The following PIK3CB variants were observed in gnomAD, a reference collection of about 807,000 sequenced individuals.
PIK3CB encodes phosphatidylinositol-4,5-bisphosphate 3-kinase catalytic subunit beta, also known as phosphatidylinositol 4,5-bisphosphate 3-kinase catalytic subunit beta isoform.
Under a neutral mutation model 136.8 loss-of-function variants are expected in PIK3CB, and 39 were observed. The observed-to-expected ratio is 0.29, with a 90% CI of 0.22 to 0.37. The LOEUF is 0.37. PIK3CB is among the 10% of genes least tolerant of loss of function. The pLI is 1.00. For synonymous variants in PIK3CB, 428 were observed against 436.6 expected (o/e 0.98, Z 0.25); for missense variants, 868 against 1,275.4 (o/e 0.68, Z 4.87).
intron 19 of PIK3CB, among the ~76,000 whole-genome samples, chr3:138,680,808 C>A (rs1249962017): frequency 6.6e-6 from 1 of 152,052 alleles, no homozygotes; most frequent in Non-Finnish European, 1.5e-5. Flanking sequence ...CTGCCTCAGC[C>A]TCCCGAGTAG....
chr3:138,800,534 C>G (rs1559883558), intron 1 of PIK3CB, among the ~76,000 whole-genome samples: 1 of 149,218 alleles, frequency 6.7e-6, no homozygotes, highest in African/African-American at 2.5e-5. Flanking sequence ...CCAGGCTGGT[C>G]TCAAACTCCA....
intron 8 of PIK3CB, among the ~76,000 whole-genome samples, chr3:138,723,165 A>C (rs1249526485): frequency 6.6e-6 from 1 of 152,228 alleles, no homozygotes; most frequent in African/African-American, 2.4e-5. Flanking sequence ...GTATCACATG[A>C]AATTTTATAA....
intron 2 of PIK3CB, among the ~76,000 whole-genome samples, chr3:138,784,877 C>T (rs967288332): frequency 2.9e-4 from 44 of 151,530 alleles, no homozygotes; most frequent in African/African-American, 1.0e-3. Flanking sequence ...GGAGCGTCTC[C>T]CTGGCCACCC....
At chr3:138,655,998 C>T in intron 23 of PIK3CB, 144 bp downstream of exon 23, 1 of 789,466 alleles carries the variant, frequency 1.3e-6, no homozygotes, top group Non-Finnish European at 2.0e-6. Flanking sequence ...TTATGTACTT[C>T]CCAGATTCTT....
chr3:138,674,136 C>T (rs1559805147), intron 19 of PIK3CB, among the ~76,000 whole-genome samples: 2 of 151,320 alleles, frequency 1.3e-5, no homozygotes, highest in South Asian at 4.2e-4. Context: ...ATATGGTGCA[C>T]TGAAAAGCTC....
At chr3:138,713,437 C>T (rs918207868) in intron 9 of PIK3CB, among the ~76,000 whole-genome samples, 1 of 151,932 alleles carries the variant, frequency 6.6e-6, no homozygotes, top group Non-Finnish European at 1.5e-5. Context: ...TTTGGGAGGC[C>T]GAGGCGGGTG....
intron 19 of PIK3CB, among the ~76,000 whole-genome samples, chr3:138,672,229 C>T (rs1332742848): frequency 2.0e-5 from 3 of 151,714 alleles, no homozygotes; most frequent in Non-Finnish European, 4.4e-5. Context: ...GATGATGTGG[C>T]ATGAAAGTTT....
chr3:138,668,823 T>C (rs1454957323), intron 19 of PIK3CB, among the ~76,000 whole-genome samples: 1 of 152,154 alleles, frequency 6.6e-6, no homozygotes, highest in African/African-American at 2.4e-5. Flanking sequence ...CAACCTGCCA[T>C]CAACCACCCA....
intron 5 of PIK3CB, among the ~76,000 whole-genome samples, chr3:138,738,528 G>A (rs1171233595): frequency 6.7e-6 from 1 of 150,050 alleles, no homozygotes; most frequent in African/African-American, 2.4e-5. Context: ...TTTCTCACTG[G>A]TAAGAAGACA....
chr3:138,717,113 G>C (rs2044626486), intron 8 of PIK3CB, among the ~76,000 whole-genome samples: 1 of 151,462 alleles, frequency 6.6e-6, no homozygotes, highest in African/African-American at 2.4e-5. Flanking sequence ...AATTAGCTGG[G>C]CACGGTGGCA....
chr3:138,804,142 C>CA (rs1033762388), intron 1 of PIK3CB, among the ~76,000 whole-genome samples: 77 of 151,830 alleles, frequency 5.1e-4, no homozygotes, highest in African/African-American at 1.8e-3. Flanking sequence ...TCCATCTCTA[C>CA]AAAAAATTTT....
At chr3:138,814,999 G>A (rs926538045) in intron 1 of PIK3CB, among the ~76,000 whole-genome samples, 20 of 151,496 alleles carry the variant, frequency 1.3e-4, no homozygotes, top group South Asian at 4.2e-4. Context: ...AATTAGCCGG[G>A]CATGGTGGCA....
chr3:138,768,120 A>T (rs1234668597), intron 2 of PIK3CB, among the ~76,000 whole-genome samples: 1 of 151,384 alleles, frequency 6.6e-6, no homozygotes, highest in Non-Finnish European at 1.5e-5. Flanking sequence ...TCATCCTGTC[A>T]TCTCTGCAGC....
chr3:138,832,838 AAAAAAAAAAAAC>A (rs1353347769), intron 1 of PIK3CB, among the ~76,000 whole-genome samples: 26 of 145,490 alleles, frequency 1.8e-4, no homozygotes, highest in Non-Finnish European at 3.6e-4. Context: ...CTCAAAAAAA[AAAAAAAAAAAAC>A]AAAATTGAAA....
Position 138,797,928 on chromosome 3 carries a change from G to A in PIK3CB, c.-121-1361C>T, listed in dbSNP as rs967683901. Among the ~76,000 whole-genome samples the A allele has an allele frequency of 4.0e-5, 6 of 151,724 alleles. 1 individual carries two copies. The highest frequency in any genetic ancestry group is 6.6e-5 in the Admixed American group (1 of 15,196). ...AGATCACACCACTGCACTCCAGGCTGGGCAACAGAAATAGACCCTGTCTCA... is the reference window on the plus strand; with the variant it reads ...AGATCACACCACTGCACTCCAGGCTAGGCAACAGAAATAGACCCTGTCTCA... On this transcript the variant is annotated intron_variant, in intron 1 of 23. Transcript: ENST00000674063.
chr3:138,665,138 G>C lies in PIK3CB; in HGVS notation c.2570C>G (p.Ser857Cys). The part of the protein sequence containing the change: ...RSGLIEVVST[S>C]ETIADIQLNS... ...CAGCTGAATGTCAGCAATTGTTTCA[G>C]AGGTGCTCACAACTTCAATGAGGCC... The change falls in exon 20 of 24, where the codon TCT (serine) becomes TGT (cysteine). Residue 857 changes from serine to cysteine, a missense_variant. Coordinates refer to ENST00000674063, the MANE Select transcript of PIK3CB (RefSeq NM_006219.3). 6.2e-7 allele frequency: 1 copy of C among 1,613,526 alleles called. No homozygotes were observed. The highest frequency in any genetic ancestry group is 8.5e-7 in the Non-Finnish European group (1 of 1,179,672).
intron 11 of PIK3CB, among the ~76,000 whole-genome samples, chr3:138,705,198 A>T (rs935779010): frequency 1.4e-5 from 2 of 144,172 alleles, no homozygotes; most frequent in African/African-American, 2.5e-5. Context: ...AACAAAAAAA[A>T]AAACTTATAT....
chr3:138,789,816 G>A (rs189194542), intron 2 of PIK3CB, among the ~76,000 whole-genome samples: 4 of 151,570 alleles, frequency 2.6e-5, no homozygotes, highest in African/African-American at 4.8e-5. Context: ...TCAGCCTCCC[G>A]AGTAGGTGGG....
intron 8 of PIK3CB, among the ~76,000 whole-genome samples, chr3:138,729,685 C>T (rs894966814): frequency 1.3e-5 from 2 of 152,172 alleles, no homozygotes; most frequent in Non-Finnish European, 2.9e-5. Context: ...CACCCACTGG[C>T]ATTCCTGGTT....
Sources: allele counts gnomAD v4.1 joint callset (sites outside exome capture counted in the v4.1 genomes callset), GRCh38; gene constraint gnomAD v4.1.1; transcripts MANE v1.5; gene names NCBI Gene and HGNC (gene_info 2026-07-23, HGNC 2026-07-21).